MLLT3: variants seen among roughly 807,000 people sequenced by gnomAD.
The protein encoded by MLLT3 is protein AF-9.
Under a neutral mutation model 53.2 loss-of-function variants are expected in MLLT3, and 4 were observed. That is an observed-to-expected ratio of 0.08 (90% CI 0.04 to 0.17). The LOEUF (loss-of-function observed/expected upper bound fraction) is 0.17, where lower values mean the gene tolerates loss of function less well. Ranked by LOEUF, MLLT3 falls within the 10% of genes least tolerant of loss-of-function variation. The pLI is 1.00. For missense variants in MLLT3, 569 were observed against 684.0 expected, an observed-to-expected ratio of 0.83 and a Z score of 1.87; for synonymous variants, 283 against 230.6, an observed-to-expected ratio of 1.23 and a Z score of -2.06.
At chr9:20,433,958 C>CAAAAAAAAAAAAAAAAAAA (rs773196575) in intron 4 of MLLT3, among the ~76,000 whole-genome samples, 5 of 133,816 alleles carry the variant, frequency 3.7e-5, no homozygotes, top group East Asian at 4.3e-4. Context: ...ACTAAAAATA[C>CAAAAAAAAAAAAAAAAAAA]AAAAAAAAAA....
intron 2 of MLLT3, among the ~76,000 whole-genome samples, chr9:20,537,039 C>T (rs955339982): frequency 1.5e-4 from 23 of 152,318 alleles, no homozygotes; most frequent in African/African-American, 5.3e-4. Flanking sequence ...AGGTGCCCTG[C>T]ATTGCCAGCT....
At chr9:20,420,669 A>G (rs925717305) in intron 4 of MLLT3, among the ~76,000 whole-genome samples, 1 of 152,166 alleles carries the variant, frequency 6.6e-6, no homozygotes, top group South Asian at 2.1e-4. Context: ...CCACACGCTC[A>G]TTTAATAATT....
rs116781008 is a variant in MLLT3, at chr9:20,586,985, T to C, written c.193+33669A>G. On this transcript the variant is annotated intron_variant, in intron 2 of 10. Transcript: ENST00000380338. ...ATGATTCTTTCCTAAGTAGAAGATG[T>C]GATGAATTAATTTTCCTCAAACTTT... is the stretch of plus-strand genomic sequence containing the variant. 7.5e-3 allele frequency among the ~76,000 whole-genome samples: 1,147 copies of C among 152,234 alleles called. 13 individuals carry two copies. The highest frequency in any genetic ancestry group is 0.026 in the African/African-American group (1,090 of 41,534).
chr9:20,588,580 A>G (rs1255135726), intron 2 of MLLT3, among the ~76,000 whole-genome samples: 1 of 152,046 alleles, frequency 6.6e-6, no homozygotes, highest in Non-Finnish European at 1.5e-5. Flanking sequence ...TTGGATTCCT[A>G]GGTATTTTAT....
chr9:20,532,325 A>T (rs1047618060), intron 2 of MLLT3, among the ~76,000 whole-genome samples: 1 of 151,972 alleles, frequency 6.6e-6, no homozygotes, highest in South Asian at 2.1e-4. Flanking sequence ...AAAAATATAT[A>T]TATATAAATC....
rs192737016 is a variant in MLLT3 at position 20,397,273 on chromosome 9, A to C, written c.1125+16448T>G. On this transcript the variant is annotated intron_variant, in intron 5 of 10. Transcript: ENST00000380338. ...TCATAGAAACAATTGCTTTTTGTAC[A>C]TTATTGGTTTCTAAAACATTTAATT... Among the ~76,000 whole-genome samples, 448 of 152,246 alleles carry C rather than the reference A, an allele frequency of 2.9e-3. 3 individuals carry two copies. The highest frequency in any genetic ancestry group is 0.01 in the African/African-American group (425 of 41,558).
chr9:20,488,269 C>G (rs1824862221), intron 2 of MLLT3, among the ~76,000 whole-genome samples: 1 of 151,884 alleles, frequency 6.6e-6, no homozygotes, highest in Non-Finnish European at 1.5e-5. Context: ...CAAAAAAGCT[C>G]TGAGGATGGA....
At chr9:20,483,245 T>TA (rs557112377) in intron 2 of MLLT3, among the ~76,000 whole-genome samples, 5,560 of 150,732 alleles carry the variant, frequency 0.037, 320 homozygotes, top group African/African-American at 0.12. Flanking sequence ...ATTATTATTT[T>TA]TTTTTTTGAG....
In MLLT3 at chr9:20,402,310, C is replaced by CT. The variant is rs57566100; in HGVS notation, c.1125+11410dup. The stretch of plus-strand genomic sequence containing the variant: ...CACAATGGGTTGAGGAATAAGGGAG[C>CT]TTTTGAGATGTCCATCAGAGAAAGA... On this transcript the variant is annotated intron_variant, in intron 5 of 10. Coordinates refer to ENST00000380338, the MANE Select transcript of MLLT3 (RefSeq NM_004529.4). Among the ~76,000 whole-genome samples the CT allele has an allele frequency of 7.6e-3, 1,160 of 152,232 alleles. 17 individuals carry two copies. Among genetic ancestry groups the CT allele is most frequent in the African/African-American group, 0.027 (1,112 of 41,536 alleles).
chr9:20,616,862 C>T (rs1820845253), intron 2 of MLLT3, among the ~76,000 whole-genome samples: 1 of 152,062 alleles, frequency 6.6e-6, no homozygotes, highest in Non-Finnish European at 1.5e-5. Context: ...CTTGTGAGAA[C>T]ATATTTGTCA....
intron 2 of MLLT3, among the ~76,000 whole-genome samples, chr9:20,557,883 A>G (rs74552287): frequency 0.02 from 3,099 of 152,340 alleles, 44 homozygotes; most frequent in Middle Eastern, 0.037. Context: ...CCAGGGCTTC[A>G]TTCATTCCTT....
At chr9:20,543,949 A>C (rs1024272809) in intron 2 of MLLT3, among the ~76,000 whole-genome samples, 1 of 112,532 alleles carries the variant, frequency 8.9e-6, no homozygotes, top group Non-Finnish European at 1.8e-5. Context: ...AGCACAATAA[A>C]ACAAGATTCC....
intron 10 of MLLT3, among the ~76,000 whole-genome samples, chr9:20,353,083 A>G (rs1206146659): frequency 6.6e-6 from 1 of 152,156 alleles, no homozygotes; most frequent in Non-Finnish European, 1.5e-5. Context: ...TGAAGAAAAT[A>G]TTTATTTTCC....
intron 4 of MLLT3, among the ~76,000 whole-genome samples, chr9:20,440,625 A>C (rs950219339): frequency 6.6e-5 from 10 of 152,338 alleles, no homozygotes; most frequent in African/African-American, 2.4e-4. Context: ...GAACTCAGAC[A>C]AAGTATTAGA....
chr9:20,602,239 T>C (rs1429030681), intron 2 of MLLT3, among the ~76,000 whole-genome samples: 1 of 152,160 alleles, frequency 6.6e-6, no homozygotes, highest in Non-Finnish European at 1.5e-5. Flanking sequence ...TTACTTTGCT[T>C]TCAGAGAAAT....
intron 4 of MLLT3, among the ~76,000 whole-genome samples, chr9:20,422,989 G>A (rs185859088): frequency 8.4e-4 from 128 of 152,224 alleles, no homozygotes; most frequent in African/African-American, 3.0e-3. Flanking sequence ...GGAAACTGAG[G>A]TACGAATATC....
intron 2 of MLLT3, among the ~76,000 whole-genome samples, chr9:20,521,017 T>A (rs139172384): frequency 2.6e-4 from 39 of 152,220 alleles, no homozygotes; most frequent in African/African-American, 8.9e-4. Flanking sequence ...ACCTTTGAAA[T>A]AATTTTTTTA....
intron 2 of MLLT3, among the ~76,000 whole-genome samples, chr9:20,512,263 C>T (rs1817770986): frequency 1.3e-5 from 2 of 152,160 alleles, no homozygotes. Flanking sequence ...CATATTTTCA[C>T]TCCACAGTAG....
intron 2 of MLLT3, among the ~76,000 whole-genome samples, chr9:20,489,252 A>G (rs1349605562): frequency 6.6e-6 from 1 of 152,194 alleles, no homozygotes; most frequent in African/African-American, 2.4e-5. Context: ...CTTTCAATGA[A>G]TTGGTTCCTG....
Sources: gnomAD v4.1 joint callset for allele counts (sites outside exome capture counted in the v4.1 genomes callset) on GRCh38, gnomAD v4.1.1 for gene constraint, MANE v1.5 for transcripts, NCBI Gene and HGNC (gene_info 2026-07-23, HGNC 2026-07-21) for gene names.